Variants in ATP6V1A observed in about 807,000 individuals in gnomAD.
The protein encoded by ATP6V1A is V-type proton ATPase catalytic subunit A.
Under a neutral mutation model 70.1 loss-of-function variants are expected in ATP6V1A, and 18 were observed. The observed-to-expected ratio is 0.26, with a 90% CI of 0.18 to 0.38. The LOEUF (loss-of-function observed/expected upper bound fraction) is 0.38, where lower values mean the gene tolerates loss of function less well. Among genes scored for constraint, ATP6V1A ranks in the 10% least tolerant of loss-of-function variants. The probability of loss-of-function intolerance (pLI) is 1.00; values close to 1 mark genes in which losing one functional copy is unlikely to be tolerated. For missense variants in ATP6V1A, 424 were observed against 772.4 expected, an observed-to-expected ratio of 0.55 and a Z score of 5.35; for synonymous variants, 232 against 253.8, an observed-to-expected ratio of 0.91 and a Z score of 0.82.
chr3:113,797,823 A>G (rs1709169686), intron 11 of ATP6V1A, among the ~76,000 whole-genome samples: 1 of 152,136 alleles, frequency 6.6e-6, no homozygotes, highest in South Asian at 2.1e-4. Flanking sequence ...ACGATGTATA[A>G]TTTGACCAGT....
intron 1 of ATP6V1A, among the ~76,000 whole-genome samples, chr3:113,752,778 A>T (rs1708601616): frequency 6.6e-6 from 1 of 152,154 alleles, no homozygotes; most frequent in African/African-American, 2.4e-5. Context: ...CATAAATGTT[A>T]ACTGATACAA....
chr3:113,777,870 CAA>C (rs780151618), intron 1 of ATP6V1A, among the ~76,000 whole-genome samples: 9 of 152,232 alleles, frequency 5.9e-5, no homozygotes, highest in Admixed American at 3.9e-4. Context: ...TGAGAGCTGA[CAA>C]AGAGTTCAGT....
chr3:113,761,928 G>A (rs1368933535), intron 1 of ATP6V1A, among the ~76,000 whole-genome samples: 2 of 116,266 alleles, frequency 1.7e-5, no homozygotes, highest in South Asian at 2.7e-4. Flanking sequence ...CAAAGCGGGC[G>A]GATCACCTGA....
chr3:113,748,310 G>A (rs941323790), intron 1 of ATP6V1A, among the ~76,000 whole-genome samples: 1 of 152,164 alleles, frequency 6.6e-6, no homozygotes, highest in African/African-American at 2.4e-5. Context: ...AGGGAAGAAT[G>A]TTTTTCAGTT....
At chr3:113,778,943 CTGTT>C in intron 2 of ATP6V1A, 108 bp downstream of exon 2, 1 of 753,070 alleles carries the variant, frequency 1.3e-6, no homozygotes, top group Non-Finnish European at 2.0e-6. Context: ...TGCATAAATT[CTGTT>C]TGTCCTTAGG....
chr3:113,784,727 A>G lies in ATP6V1A; in HGVS notation c.458A>G (p.Tyr153Cys), dbSNP rs1709019238. 1 of 1,614,118 alleles carries G rather than the reference A, an allele frequency of 6.2e-7. No homozygotes were observed. The highest frequency in any genetic ancestry group is 1.3e-5 in the African/African-American group (1 of 75,048). Residue 153 changes from tyrosine (Y) to cysteine (C), a missense_variant, in exon 5 of 15, where the codon TAT becomes TGT. Coordinates refer to ENST00000273398, the MANE Select transcript of ATP6V1A (RefSeq NM_001690.4). ...AGTCATATCACTGGCGGAGACATTT[A>G]TGGAATTGTCAGTGAGAACTCGCTT... Reference protein sequence around the residue: ...VGSHITGGDIYGIVSENSLIK... With the variant: ...VGSHITGGDICGIVSENSLIK...
chr3:113,795,199 AG>A lies in ATP6V1A; in HGVS notation c.1223del (p.Gly408GlufsTer28). 1 of 1,613,978 alleles carries A rather than the reference AG, an allele frequency of 6.2e-7. No individual in the cohort carries two copies. Among genetic ancestry groups the A allele is most frequent in the Non-Finnish European group, 8.5e-7 (1 of 1,179,894 alleles). On this transcript the variant is annotated frameshift_variant, in exon 10 of 15. Coordinates refer to ENST00000273398, the MANE Select transcript of ATP6V1A (RefSeq NM_001690.4). LOFTEE classifies it high-confidence loss of function. The part of the protein sequence containing the change: ...PEREGSVSIV[G>X]AVSPPGGDFS... The stretch of plus-strand genomic sequence containing the variant: ...AAAGAGAAGGGAGTGTCAGCATTGT[AG>A]GAGCGTAAGCACCCACACTATTTAC...
At chr3:113,781,745 A>AGG (rs1019081844) in intron 3 of ATP6V1A, among the ~76,000 whole-genome samples, 1 of 152,202 alleles carries the variant, frequency 6.6e-6, no homozygotes, top group African/African-American at 2.4e-5. Context: ...CATGAACTTA[A>AGG]GGGGGACCAA....
At chr3:113,753,541 A>G (rs1025179002) in intron 1 of ATP6V1A, among the ~76,000 whole-genome samples, 1 of 152,220 alleles carries the variant, frequency 6.6e-6, no homozygotes, top group African/African-American at 2.4e-5. Flanking sequence ...ACGTGGAAAC[A>G]AAGGGAATGC....
intron 1 of ATP6V1A, among the ~76,000 whole-genome samples, chr3:113,748,528 T>C (rs2108002685): frequency 6.6e-6 from 1 of 152,370 alleles, no homozygotes; most frequent in East Asian, 1.9e-4. Flanking sequence ...GATGGAATCA[T>C]CTTTGGTGGA....
chr3:113,751,133 T>G (rs998433470), intron 1 of ATP6V1A, among the ~76,000 whole-genome samples: 1 of 152,106 alleles, frequency 6.6e-6, no homozygotes, highest in Non-Finnish European at 1.5e-5. Flanking sequence ...TTGTACAGAT[T>G]GTAGAGCAGG....
intron 11 of ATP6V1A, among the ~76,000 whole-genome samples, chr3:113,797,825 T>A (rs1466504934): frequency 6.6e-6 from 1 of 152,158 alleles, no homozygotes; most frequent in Non-Finnish European, 1.5e-5. Context: ...GATGTATAAT[T>A]TGACCAGTGA....
chr3:113,786,166 C>T (rs1484710199), intron 5 of ATP6V1A, 66 bp from the exon 6 acceptor site: 1 of 1,457,292 alleles, frequency 6.9e-7, no homozygotes, highest in Non-Finnish European at 9.3e-7. Context: ...AATCGGGTTA[C>T]TTTGATTTTG....
intron 1 of ATP6V1A, among the ~76,000 whole-genome samples, chr3:113,763,784 A>G (rs1305607299): frequency 6.6e-6 from 1 of 152,222 alleles, no homozygotes; most frequent in Non-Finnish European, 1.5e-5. Flanking sequence ...AGTACATCAA[A>G]TAAAGGAGTT....
At chr3:113,748,759 T>C (rs556815407) in intron 1 of ATP6V1A, among the ~76,000 whole-genome samples, 1 of 152,372 alleles carries the variant, frequency 6.6e-6, no homozygotes, top group South Asian at 2.1e-4. Context: ...AGATTACTAC[T>C]ATCTCTTGTG....
At chr3:113,779,472 C>G (rs1179340901) in intron 2 of ATP6V1A, among the ~76,000 whole-genome samples, 2 of 152,208 alleles carry the variant, frequency 1.3e-5, no homozygotes, top group Admixed American at 6.5e-5. Context: ...CACAGTTTCT[C>G]TAAGTAAAAC....
chr3:113,753,721 G>T (rs1248545353), intron 1 of ATP6V1A, among the ~76,000 whole-genome samples: 1 of 148,220 alleles, frequency 6.7e-6, no homozygotes, highest in Non-Finnish European at 1.5e-5. Context: ...CCTGAGACAG[G>T]ATCTTGCTCT....
At chr3:113,800,342 A>C (rs1241831854) in intron 12 of ATP6V1A, among the ~76,000 whole-genome samples, 4 of 152,186 alleles carry the variant, frequency 2.6e-5, no homozygotes, top group African/African-American at 9.7e-5. Context: ...AAGAATAGTA[A>C]AGTGTGAGCT....
At chr3:113,782,394 C>T (rs1405394286) in intron 3 of ATP6V1A, among the ~76,000 whole-genome samples, 2 of 151,620 alleles carry the variant, frequency 1.3e-5, no homozygotes, top group African/African-American at 4.8e-5. Context: ...TTGTATCTAG[C>T]CGTTTATCAA....
Sources: allele counts gnomAD v4.1 joint callset (sites outside exome capture counted in the v4.1 genomes callset), GRCh38; gene constraint gnomAD v4.1.1; transcripts MANE v1.5; gene names NCBI Gene and HGNC (gene_info 2026-07-23, HGNC 2026-07-21).